FAM81B: variants seen among roughly 807,000 people sequenced by gnomAD.
FAM81B encodes protein FAM81B.
Under a neutral mutation model 58.7 loss-of-function variants are expected in FAM81B, and 60 were observed. The ratio of observed to expected loss-of-function variants is 1.02; its 90% CI spans 0.83 to 1.27. The LOEUF is 1.27. Among genes scored for constraint, FAM81B ranks in the 50% most tolerant of loss-of-function variants. FAM81B has a pLI of 0.00. For missense variants in FAM81B, 491 were observed against 522.0 expected, an observed-to-expected ratio of 0.94 and a Z score of 0.58; for synonymous variants, 189 against 179.6, an observed-to-expected ratio of 1.05 and a Z score of -0.42.
chr5:95,440,705 C>T, intron 7 of FAM81B: 1 of 720,912 alleles, frequency 1.4e-6, no homozygotes, highest in Non-Finnish European at 2.0e-6. Context: ...TTTAGGACTT[C>T]AGCTTCTCAC....
chr5:95,416,782 A>G (rs1216137950), intron 4 of FAM81B, among the ~76,000 whole-genome samples: 1 of 152,102 alleles, frequency 6.6e-6, no homozygotes, highest in African/African-American at 2.4e-5. Flanking sequence ...TATTGTCCTA[A>G]TGTCGAAATA....
At chr5:95,427,786 C>T (rs773269073) in intron 5 of FAM81B, among the ~76,000 whole-genome samples, 2 of 152,150 alleles carry the variant, frequency 1.3e-5, no homozygotes, top group Non-Finnish European at 2.9e-5. Context: ...ATCCTTCATG[C>T]ATATGTGAAA....
chr5:95,425,552 C>T (rs1045210224), intron 5 of FAM81B, among the ~76,000 whole-genome samples: 125 of 152,132 alleles, frequency 8.2e-4, no homozygotes, highest in African/African-American at 2.8e-3. Flanking sequence ...AATTCTAGTA[C>T]TCCTGAGCCC....
chr5:95,425,333 A>G (rs1762796122), intron 5 of FAM81B, among the ~76,000 whole-genome samples: 1 of 152,178 alleles, frequency 6.6e-6, no homozygotes, highest in African/African-American at 2.4e-5. Flanking sequence ...AAGGATAAAG[A>G]CTGCAACGAG....
At chr5:95,446,127 A>G (rs1185316450) in intron 7 of FAM81B, among the ~76,000 whole-genome samples, 1 of 152,190 alleles carries the variant, frequency 6.6e-6, no homozygotes, top group African/African-American at 2.4e-5. Flanking sequence ...ATGGCCCACA[A>G]TGCCTAAAAT....
intron 3 of FAM81B, among the ~76,000 whole-genome samples, chr5:95,408,041 G>A (rs1762307108): frequency 6.8e-6 from 1 of 146,710 alleles, no homozygotes; most frequent in Non-Finnish European, 1.5e-5. Context: ...CTCTCCACAG[G>A]GCTATTCAAT....
intron 3 of FAM81B, among the ~76,000 whole-genome samples, chr5:95,412,536 C>T (rs532829255): frequency 6.6e-6 from 1 of 152,226 alleles, no homozygotes; most frequent in South Asian, 2.1e-4. Flanking sequence ...TATTTTTAAA[C>T]CATATGGGGT....
At chr5:95,422,512 TCG>T (rs1762712864) in intron 5 of FAM81B, among the ~76,000 whole-genome samples, 1 of 151,970 alleles carries the variant, frequency 6.6e-6, no homozygotes, top group South Asian at 2.1e-4. Flanking sequence ...AGACAGAGTC[TCG>T]CTCTGTCACC....
chr5:95,428,493 C>A, intron 5 of FAM81B, 110 bp from the exon 6 acceptor site: 1 of 1,338,018 alleles, frequency 7.5e-7, no homozygotes, highest in Non-Finnish European at 1.0e-6. Flanking sequence ...CCAACTCATT[C>A]TTCAAATGAC....
At chr5:95,445,804 T>C (rs1388013404) in intron 7 of FAM81B, among the ~76,000 whole-genome samples, 1 of 152,084 alleles carries the variant, frequency 6.6e-6, no homozygotes, top group Non-Finnish European at 1.5e-5. Flanking sequence ...CCAGGTTCTT[T>C]GGGGGCTTTT....
chr5:95,414,315 T>C, intron 4 of FAM81B, 125 bp downstream of exon 4: 1 of 1,106,062 alleles, frequency 9.0e-7, no homozygotes, highest in Non-Finnish European at 1.3e-6. Flanking sequence ...TAAGTTTAGA[T>C]GATTACATTT....
chr5:95,424,207 A>G (rs926372117), intron 5 of FAM81B: 16 of 1,289,794 alleles, frequency 1.2e-5, no homozygotes, highest in Non-Finnish European at 1.6e-5. Flanking sequence ...GAAACATTCA[A>G]AGACATAATA....
intron 8 of FAM81B, among the ~76,000 whole-genome samples, chr5:95,447,194 C>G (rs1244250572): frequency 6.6e-6 from 1 of 152,180 alleles, no homozygotes; most frequent in Non-Finnish European, 1.5e-5. Flanking sequence ...ATACTTATTT[C>G]AGGGGTCCCC....
intron 3 of FAM81B, 82 bp from the exon 4 acceptor site, chr5:95,413,865 G>A (rs1262646737): frequency 6.6e-7 from 1 of 1,518,558 alleles, no homozygotes; most frequent in East Asian, 2.3e-5. Context: ...AGGATCAGAA[G>A]TGAGGATTCT....
chr5:95,395,961 C>G, intron 2 of FAM81B, 150 bp from the exon 3 acceptor site: 12 of 547,302 alleles, frequency 2.2e-5, no homozygotes, highest in Non-Finnish European at 3.5e-5. Flanking sequence ...ATTAGCAATA[C>G]AAAGGGGACA....
chr5:95,391,614 C>T (rs1761819101), intron 1 of FAM81B, 101 bp downstream of exon 1: 1 of 1,325,176 alleles, frequency 7.5e-7, no homozygotes, highest in Admixed American at 2.3e-5. Flanking sequence ...CAATGAAGAC[C>T]CTCAGAAGGC....
intron 5 of FAM81B, among the ~76,000 whole-genome samples, chr5:95,427,024 G>A (rs1762861055): frequency 6.6e-6 from 1 of 151,928 alleles, no homozygotes; most frequent in South Asian, 2.1e-4. Flanking sequence ...ACTCCAGCCT[G>A]GGCGATAGAG....
intron 5 of FAM81B, among the ~76,000 whole-genome samples, chr5:95,426,495 C>T (rs2152766431): frequency 6.6e-6 from 1 of 152,188 alleles, no homozygotes; most frequent in African/African-American, 2.4e-5. Context: ...TGGGTACTCC[C>T]CGTGTCAGGC....
chr5:95,428,679 ATTCAAGAATTC>A lies in FAM81B; in HGVS notation c.734_744del (p.Ile245SerfsTer28). The A allele has an allele frequency of 6.2e-7, 1 of 1,614,034 alleles. No individual in the cohort carries two copies. The highest frequency in any genetic ancestry group is 8.5e-7 in the Non-Finnish European group (1 of 1,179,872). ...AGAGCACCGGCAAATTGAGAAAGCC[ATTCAAGAATTC>A]GTGCCCGCCCTGGAAACTCTTTCCA... is the stretch of plus-strand genomic sequence containing the variant. On this transcript the variant is annotated frameshift_variant, in exon 6 of 10. Transcript: ENST00000283357. LOFTEE classifies it high-confidence loss of function.
Sources: gnomAD v4.1 joint callset for allele counts (sites outside exome capture counted in the v4.1 genomes callset) on GRCh38, gnomAD v4.1.1 for gene constraint, MANE v1.5 for transcripts, NCBI Gene and HGNC (gene_info 2026-07-23, HGNC 2026-07-21) for gene names.